HYDIN: variants seen among roughly 807,000 people sequenced by gnomAD.
The protein encoded by HYDIN is axonemal central pair apparatus protein HYDIN.
A neutral mutation model predicts 403.9 loss-of-function variants in HYDIN; 132 were observed. The ratio of observed to expected loss-of-function variants is 0.33; its 90% CI spans 0.28 to 0.38. The LOEUF (loss-of-function observed/expected upper bound fraction) is 0.38. Ranked by LOEUF, HYDIN falls within the 10% of genes least tolerant of loss-of-function variation. The probability of loss-of-function intolerance (pLI) is 1.00; values close to 1 mark genes in which losing one functional copy is unlikely to be tolerated. For synonymous variants in HYDIN, 1,202 were observed against 1,891.7 expected (o/e 0.64, Z 9.46); for missense variants, 2,827 against 5,009.5 (o/e 0.56, Z 13.15).
chr16:71,034,340 T>A (rs1431527443), intron 18 of HYDIN, among the ~76,000 whole-genome samples: 2 of 151,980 alleles, frequency 1.3e-5, no homozygotes, highest in Non-Finnish European at 2.9e-5. Flanking sequence ...CAAACTTAGG[T>A]CAGAGTTGCA....
intron 1 of HYDIN, 31 bp downstream of exon 1, chr16:71,230,531 T>C: frequency 6.6e-7 from 1 of 1,516,982 alleles, no homozygotes; most frequent in Non-Finnish European, 8.8e-7. Flanking sequence ...CCTCACACTT[T>C]GACCCCACAA....
At chr16:70,834,869 T>C (rs1195797455) in intron 78 of HYDIN, among the ~76,000 whole-genome samples, 2 of 144,350 alleles carry the variant, frequency 1.4e-5, no homozygotes, top group East Asian at 3.9e-4. Flanking sequence ...AACAAACATA[T>C]ATATATGTGT....
intron 45 of HYDIN, among the ~76,000 whole-genome samples, chr16:70,932,153 G>A (rs1345719443): frequency 2.1e-5 from 3 of 144,610 alleles, no homozygotes; most frequent in Admixed American, 1.4e-4. Context: ...TCAGGAGTTC[G>A]AGACCAGCCT....
At chr16:70,943,973 G>T (rs1448059122) in intron 41 of HYDIN, 24 bp from the exon 42 acceptor site, 1 of 1,560,286 alleles carries the variant, frequency 6.4e-7, no homozygotes, top group Admixed American at 1.9e-5. Context: ...GAAGGATCAG[G>T]AGTCAGAATC....
chr16:70,962,728 C>A (rs2078456693), intron 37 of HYDIN, among the ~76,000 whole-genome samples: 1 of 145,914 alleles, frequency 6.9e-6, no homozygotes, highest in South Asian at 2.3e-4. Flanking sequence ...GAGGTGATCC[C>A]CCTCTACTAC....
chr16:71,179,610 A>C (rs1320639620), intron 3 of HYDIN, among the ~76,000 whole-genome samples: 2 of 152,230 alleles, frequency 1.3e-5, no homozygotes, highest in Non-Finnish European at 2.9e-5. Flanking sequence ...AATACAAATA[A>C]CTAGCTTACT....
At chr16:71,143,698 A>G (rs974857543) in intron 7 of HYDIN, among the ~76,000 whole-genome samples, 1 of 152,276 alleles carries the variant, frequency 6.6e-6, no homozygotes, top group African/African-American at 2.4e-5. Flanking sequence ...GTCTGCATAG[A>G]TATTAATAGA....
At chr16:70,940,762 G>A (rs567070482) in intron 43 of HYDIN, among the ~76,000 whole-genome samples, 1 of 152,320 alleles carries the variant, frequency 6.6e-6, no homozygotes, top group African/African-American at 2.4e-5. Flanking sequence ...GACTTCGACA[G>A]CCCAGTGTTT....
intron 23 of HYDIN, among the ~76,000 whole-genome samples, chr16:70,996,642 T>G (rs1306211450): frequency 6.6e-6 from 1 of 152,012 alleles, no homozygotes; most frequent in Non-Finnish European, 1.5e-5. Flanking sequence ...GTGGGGTTGG[T>G]GAGGATTACC....
intron 1 of HYDIN, among the ~76,000 whole-genome samples, chr16:71,210,943 G>T (rs2088555596): frequency 6.6e-6 from 1 of 151,682 alleles, no homozygotes; most frequent in South Asian, 2.1e-4. Flanking sequence ...TAGCACCAAG[G>T]TATAATCTGT....
intron 50 of HYDIN, among the ~76,000 whole-genome samples, chr16:70,905,475 C>T (rs1169937391): frequency 6.6e-6 from 1 of 150,936 alleles, no homozygotes; most frequent in African/African-American, 2.4e-5. Flanking sequence ...AACCCCATCT[C>T]TACAAAAATT....
At chr16:70,954,452 CAAAAA>C (rs56235375) in intron 40 of HYDIN, among the ~76,000 whole-genome samples, 2 of 65,826 alleles carry the variant, frequency 3.0e-5, no homozygotes, top group African/African-American at 5.5e-5. Context: ...TACCTTGTCT[CAAAAA>C]AAAAAAAAAA....
At chr16:70,920,387 T>G (rs1181294233) in intron 46 of HYDIN, among the ~76,000 whole-genome samples, 1 of 149,654 alleles carries the variant, frequency 6.7e-6, no homozygotes, top group Non-Finnish European at 1.5e-5. Flanking sequence ...TGGACTAATC[T>G]AGATGTGTGA....
Position 70,850,525 on chromosome 16 carries a change from C to T in HYDIN, c.12574G>A (p.Glu4192Lys), listed in dbSNP as rs764328537. The T allele has an allele frequency of 7.5e-6, 12 of 1,608,956 alleles. No individual in the cohort carries two copies. Among genetic ancestry groups the T allele is most frequent in the African/African-American group, 6.7e-5 (5 of 74,514 alleles). Residue 4192 changes from glutamate (E) to lysine (K), a missense_variant, in exon 74 of 86, where the codon GAG (glutamate) becomes AAG (lysine). Transcript: ENST00000393567. ...CCTGTCCTGTCCTTGCACTTGATCT[C>T]CACATTCATAGTGTAGCCCTCGGCC... ...VKAEGYTMNV[E>K]IKCKDRTGSI... is the part of the protein sequence containing the mutation.
At chr16:71,081,054 T>C (rs372023436) in intron 12 of HYDIN, 21 of 151,034 alleles carry the variant, frequency 1.4e-4, no homozygotes, top group African/African-American at 4.8e-4. Flanking sequence ...TTAGCCTAGC[T>C]AGACCTGCAT....
intron 11 of HYDIN, among the ~76,000 whole-genome samples, chr16:71,093,123 C>T (rs2083164834): frequency 1.3e-5 from 2 of 151,420 alleles, no homozygotes; most frequent in Non-Finnish European, 1.5e-5. Flanking sequence ...GTTTAAAATA[C>T]CTCTATAAAA....
intron 73 of HYDIN, among the ~76,000 whole-genome samples, chr16:70,851,587 G>A (rs376027456): frequency 1.3e-5 from 2 of 150,958 alleles, no homozygotes; most frequent in South Asian, 2.1e-4. Flanking sequence ...AGATCCTGGC[G>A]AGGCTGCAGA....
chr16:70,888,220 T>C (rs1388429298), intron 58 of HYDIN, among the ~76,000 whole-genome samples: 2 of 152,234 alleles, frequency 1.3e-5, no homozygotes, highest in Admixed American at 6.5e-5. Context: ...CTAGCATTTA[T>C]CTATTTTCCT....
intron 9 of HYDIN, among the ~76,000 whole-genome samples, chr16:71,126,773 C>T (rs2084480439): frequency 6.6e-6 from 1 of 152,224 alleles, no homozygotes; most frequent in South Asian, 2.1e-4. Context: ...TTCTCTGTCT[C>T]CTTTTCCACT....
Sources: gnomAD v4.1 joint callset for allele counts (sites outside exome capture counted in the v4.1 genomes callset) on GRCh38, gnomAD v4.1.1 for gene constraint, MANE v1.5 for transcripts, NCBI Gene and HGNC (gene_info 2026-07-23, HGNC 2026-07-21) for gene names.